The following CRY1 variants were observed in gnomAD, a reference collection of about 807,000 sequenced individuals.
CRY1 encodes the protein cryptochrome-1.
Under a neutral mutation model 76.0 loss-of-function variants are expected in CRY1, and 45 were observed. The ratio of observed to expected loss-of-function variants is 0.59; its 90% CI spans 0.47 to 0.76. CRY1 has a LOEUF of 0.76. Ranked by LOEUF, CRY1 falls within the 30% of genes least tolerant of loss-of-function variation. The pLI, the probability that CRY1 is intolerant of heterozygous loss-of-function variation, is 0.00. For synonymous variants in CRY1, 248 were observed against 244.0 expected (o/e 1.02, Z -0.15); for missense variants, 587 against 716.4 (o/e 0.82, Z 2.06).
chr12:107,065,017 C>A (rs1042414748), intron 1 of CRY1, among the ~76,000 whole-genome samples: 1 of 152,174 alleles, frequency 6.6e-6, no homozygotes, highest in Non-Finnish European at 1.5e-5. Flanking sequence ...TAAAAATGGG[C>A]TGGGCATGGT....
At chr12:107,012,151 C>T (rs969073663) in intron 2 of CRY1, among the ~76,000 whole-genome samples, 4 of 152,196 alleles carry the variant, frequency 2.6e-5, no homozygotes, top group Admixed American at 1.3e-4. Context: ...GATCGTGCCA[C>T]TGCACTGCAG....
At chr12:107,085,902 C>T (rs565092461) in intron 1 of CRY1, among the ~76,000 whole-genome samples, 2 of 151,730 alleles carry the variant, frequency 1.3e-5, no homozygotes, top group Non-Finnish European at 2.9e-5. Context: ...AACAAAAAAC[C>T]TCATACACAA....
chr12:107,069,589 ATATATATATAAAG>A (rs1953155960), intron 1 of CRY1, among the ~76,000 whole-genome samples: 1 of 40,854 alleles, frequency 2.4e-5, no homozygotes, highest in South Asian at 1.1e-3. Flanking sequence ...TATATAAAGT[ATATATATATAAAG>A]TATATATATA....
chr12:107,008,655 C>G (rs1013614674), intron 2 of CRY1, among the ~76,000 whole-genome samples: 1 of 152,180 alleles, frequency 6.6e-6, no homozygotes, highest in African/African-American at 2.4e-5. Flanking sequence ...CTTCCTTTAT[C>G]AAATTGCTAT....
intron 2 of CRY1, among the ~76,000 whole-genome samples, chr12:107,019,740 C>T (rs561752851): frequency 6.6e-6 from 1 of 151,920 alleles, no homozygotes; most frequent in South Asian, 2.1e-4. Context: ...CTAGCCTGAG[C>T]AACATAGCAA....
intron 1 of CRY1, among the ~76,000 whole-genome samples, chr12:107,085,262 T>G (rs1953383183): frequency 6.6e-6 from 1 of 152,206 alleles, no homozygotes; most frequent in Non-Finnish European, 1.5e-5. Flanking sequence ...TGGTGATTCC[T>G]CAAGGATCTA....
At chr12:107,055,206 G>A (rs1217958797) in intron 1 of CRY1, among the ~76,000 whole-genome samples, 1 of 151,996 alleles carries the variant, frequency 6.6e-6, no homozygotes, top group Non-Finnish European at 1.5e-5. Context: ...TGACCTTGAC[G>A]TATTTATGCT....
intron 1 of CRY1, among the ~76,000 whole-genome samples, chr12:107,046,374 A>G (rs1329888415): frequency 1.3e-5 from 2 of 152,148 alleles, no homozygotes; most frequent in Non-Finnish European, 2.9e-5. Context: ...GCACAAGTAT[A>G]AAACTCACTG....
In CRY1 at chr12:106,992,782, T is replaced by C. The variant is rs1485069149; in HGVS notation, c.*5A>G. 2 of 1,604,172 alleles carry C rather than the reference T, an allele frequency of 1.2e-6. No homozygotes were observed. Among genetic ancestry groups the C allele is most frequent in the Non-Finnish European group, 1.7e-6 (2 of 1,171,192 alleles). ...AAGCAAGAAATACAGCTCTAAAATA[T>C]TTACCTAATTAGTGCTCTGTCTCTG... On this transcript the variant is annotated splice_donor_5th_base_variant and intron_variant, in intron 12 of 12. Coordinates refer to ENST00000008527, the MANE Select transcript of CRY1 (RefSeq NM_004075.5).
chr12:106,998,212 G>A, intron 7 of CRY1, 146 bp from the exon 8 acceptor site: 1 of 853,896 alleles, frequency 1.2e-6, no homozygotes, highest in Non-Finnish European at 1.8e-6. Context: ...GCTTCCCTAT[G>A]TTCTGTTCTA....
intron 1 of CRY1, among the ~76,000 whole-genome samples, chr12:107,035,370 G>A (rs1256275671): frequency 6.6e-6 from 1 of 152,044 alleles, no homozygotes; most frequent in African/African-American, 2.4e-5. Context: ...ACATTGTTGT[G>A]GTCCCTGGTA....
At chr12:107,030,717 G>A (rs1397629185) in intron 1 of CRY1, among the ~76,000 whole-genome samples, 1 of 147,354 alleles carries the variant, frequency 6.8e-6, no homozygotes, top group Non-Finnish European at 1.5e-5. Context: ...TGTGCCATGT[G>A]GTAAATTTTA....
In CRY1 at chr12:107,013,724, C is replaced by T. The variant is rs78927759; in HGVS notation, c.267+8360G>A. Among the ~76,000 whole-genome samples, 3 of 152,244 alleles carry T rather than the reference C, an allele frequency of 2.0e-5. No individual in the cohort carries two copies. In the East Asian group the frequency reaches 5.8e-4, roughly 29 times the overall value. ...CTTCTGAGCACTGAAATGTGACTAG[C>T]TGGCACTGAGATCAGCTGGAAGTAT... On this transcript the variant is annotated intron_variant, in intron 2 of 12. Coordinates refer to ENST00000008527, the MANE Select transcript of CRY1 (RefSeq NM_004075.5).
intron 1 of CRY1, among the ~76,000 whole-genome samples, chr12:107,036,463 T>C (rs1952734176): frequency 6.6e-6 from 1 of 152,198 alleles, no homozygotes; most frequent in African/African-American, 2.4e-5. Flanking sequence ...CTGATCTCAC[T>C]GCTTCCATAC....
At chr12:107,086,162 AAAC>A (rs1209395973) in intron 1 of CRY1, among the ~76,000 whole-genome samples, 45 of 152,342 alleles carry the variant, frequency 3.0e-4, no homozygotes, top group African/African-American at 1.1e-3. Flanking sequence ...AAAAGTTTCT[AAAC>A]AACAAAGCGT....
chr12:107,023,531 A>C (rs1396400328), intron 1 of CRY1, among the ~76,000 whole-genome samples: 1 of 152,220 alleles, frequency 6.6e-6, no homozygotes, highest in Non-Finnish European at 1.5e-5. Context: ...CGATACCATC[A>C]TTTCACCAAA....
chr12:107,001,718 G>T lies in CRY1; in HGVS notation c.595+46C>A, dbSNP rs555474309. On this transcript the variant is annotated intron_variant, in intron 4 of 12. Coordinates refer to ENST00000008527, the MANE Select transcript of CRY1 (RefSeq NM_004075.5). ...AAGGGGAATTTTCTGAGTAATTTAT[G>T]ATTTATTAACTTGCAAGCCTCACAC... 4.9e-6 allele frequency: 7 copies of T among 1,431,502 alleles called. No individual in the cohort carries two copies. In the African/African-American group the frequency reaches 8.8e-5, roughly 18 times the overall value. 88.7% of individuals were successfully genotyped at this position (1,431,502 alleles called of 1,614,324 possible). A position where few individuals can be genotyped will look rare whatever the true frequency, so the allele number is the denominator to read the frequency against.
At chr12:107,069,617 GTATATA>G (rs1161209629) in intron 1 of CRY1, among the ~76,000 whole-genome samples, 21 of 74,594 alleles carry the variant, frequency 2.8e-4, no homozygotes, top group Admixed American at 8.5e-4. Context: ...TATATAAAAA[GTATATA>G]TATATAAAGT....
intron 2 of CRY1, among the ~76,000 whole-genome samples, chr12:107,009,572 A>ATG (rs1952418828): frequency 2.0e-5 from 1 of 51,086 alleles, no homozygotes; most frequent in African/African-American, 1.1e-4. Flanking sequence ...ACATATATAT[A>ATG]TATATATATA....
Sources: allele counts gnomAD v4.1 joint callset (sites outside exome capture counted in the v4.1 genomes callset), GRCh38; gene constraint gnomAD v4.1.1; transcripts MANE v1.5; gene names NCBI Gene and HGNC (gene_info 2026-07-23, HGNC 2026-07-21).